PCNX2: variants seen among roughly 807,000 people sequenced by gnomAD.
The protein encoded by PCNX2 is pecanex 2.
Under a neutral mutation model 223.8 loss-of-function variants are expected in PCNX2, and 168 were observed. That is an observed-to-expected ratio of 0.75 (90% CI 0.66 to 0.85). The LOEUF is 0.85. PCNX2 is among the 40% of genes least tolerant of loss of function. The pLI is 0.00. For missense variants in PCNX2, 2,507 were observed against 2,675.5 expected, an observed-to-expected ratio of 0.94 and a Z score of 1.39; for synonymous variants, 1,006 against 1,052.6, an observed-to-expected ratio of 0.96 and a Z score of 0.86.
intron 21 of PCNX2, among the ~76,000 whole-genome samples, chr1:233,096,119 T>C (rs1031215414): frequency 1.3e-5 from 2 of 152,230 alleles, no homozygotes; most frequent in East Asian, 3.8e-4. Context: ...ATATATGGTG[T>C]ATCTCTTTGC....
At chr1:232,984,726 A>T (rs979010553) in intron 33 of PCNX2, 2 of 446,506 alleles carry the variant, frequency 4.5e-6, no homozygotes, top group Non-Finnish European at 8.0e-6. Context: ...ACTGCGCTGG[A>T]AAGAGCGGCC....
intron 1 of PCNX2, among the ~76,000 whole-genome samples, chr1:233,281,492 A>G (rs1378940536): frequency 6.6e-6 from 1 of 152,220 alleles, no homozygotes; most frequent in Non-Finnish European, 1.5e-5. Context: ...TCCCTCCTAT[A>G]CTTAATATCA....
chr1:233,102,087 C>CTT (rs201107797), intron 21 of PCNX2, among the ~76,000 whole-genome samples: 10 of 124,996 alleles, frequency 8.0e-5, no homozygotes, highest in South Asian at 2.5e-4. Flanking sequence ...ATTCATTTTT[C>CTT]TTTTTTTTTT....
At chr1:233,222,452 G>A (rs1293114825) in intron 10 of PCNX2, among the ~76,000 whole-genome samples, 2 of 152,200 alleles carry the variant, frequency 1.3e-5, no homozygotes, top group Admixed American at 1.3e-4. Context: ...AGCTACTTGG[G>A]AGGCTGGGGC....
At chr1:233,176,277 GC>G (rs1386458267) in intron 17 of PCNX2, among the ~76,000 whole-genome samples, 17 of 152,290 alleles carry the variant, frequency 1.1e-4, no homozygotes, top group Admixed American at 3.3e-4. Context: ...GCTGTCCAGA[GC>G]CCTTATCCTG....
rs986101070 is a variant in PCNX2, at chr1:232,998,292, G to C, written c.5750C>G (p.Ala1917Gly). The change falls in exon 32 of 34, where the codon GCT (alanine) becomes GGT (glycine). Residue 1917 changes from alanine (A) to glycine (G), a missense_variant. Physicochemically the swap from Ala to Gly is moderately conservative, Grantham distance 60. This residue lies in a region of PCNX2 where 1,372 missense variants were observed against 1,509.4 expected (regional missense o/e 0.91). Coordinates refer to ENST00000258229, the MANE Select transcript of PCNX2 (RefSeq NM_014801.4). Reference protein sequence around the residue: ...SSAEQPRKGGAQHGVSSCEGT... With the variant: ...SSAEQPRKGGGQHGVSSCEGT... ...TTCACAGGATGACACCCCGTGCTGA[G>C]CACCGCCTTTTCTGGGCTGTTCTGC... The C allele has an allele frequency of 2.5e-6, 4 of 1,606,328 alleles. No homozygotes were observed. Among genetic ancestry groups the C allele is most frequent in the Non-Finnish European group, 3.4e-6 (4 of 1,176,320 alleles).
intron 15 of PCNX2, among the ~76,000 whole-genome samples, chr1:233,186,838 G>A (rs1345598770): frequency 6.6e-6 from 1 of 152,110 alleles, no homozygotes; most frequent in Non-Finnish European, 1.5e-5. Flanking sequence ...AGAATAACGG[G>A]TCCCACGTAT....
chr1:233,200,969 T>C (rs900280071), intron 13 of PCNX2, among the ~76,000 whole-genome samples: 6 of 133,372 alleles, frequency 4.5e-5, no homozygotes, highest in Non-Finnish European at 7.6e-5. Context: ...GAGCTTGCAG[T>C]GAGCCGAGAT....
At chr1:233,025,725 G>C (rs764421892) in intron 25 of PCNX2, 2 of 344,774 alleles carry the variant, frequency 5.8e-6, no homozygotes, top group Non-Finnish European at 1.1e-5. Context: ...TTTTGAAAAA[G>C]GTAGTACATA....
chr1:233,084,532 T>A (rs750778895), intron 23 of PCNX2, among the ~76,000 whole-genome samples: 2 of 152,246 alleles, frequency 1.3e-5, no homozygotes, highest in Admixed American at 6.5e-5. Context: ...GCGCTGTAGG[T>A]CTAATGTATT....
chr1:233,311,280 A>G, the PCNX2 span, among the ~76,000 whole-genome samples: 1 of 152,276 alleles, frequency 6.6e-6, no homozygotes, highest in Non-Finnish European at 1.5e-5. Flanking sequence ...TTGCCTGAGC[A>G]GTTGTTGAAC....
At chr1:233,117,008 C>T (rs1009797939) in intron 21 of PCNX2, among the ~76,000 whole-genome samples, 4 of 152,150 alleles carry the variant, frequency 2.6e-5, no homozygotes, top group Non-Finnish European at 5.9e-5. Flanking sequence ...TGAACAACAA[C>T]ACATAGTACA....
intron 1 of PCNX2, among the ~76,000 whole-genome samples, chr1:233,285,348 C>T (rs1661396810): frequency 6.6e-6 from 1 of 151,796 alleles, no homozygotes; most frequent in African/African-American, 2.4e-5. Context: ...AACCCTATCT[C>T]TAAAAAGAAA....
chr1:233,323,814 T>G, the PCNX2 span, among the ~76,000 whole-genome samples: 2 of 152,194 alleles, frequency 1.3e-5, no homozygotes, highest in Admixed American at 1.3e-4. Flanking sequence ...GACCTCTAGG[T>G]GTTCAAGTGA....
At position 233,182,431 on chromosome 1, in the gene PCNX2, C is replaced by G. The variant is rs137901230; in HGVS notation, c.3067-3256G>C. Among the ~76,000 whole-genome samples, 5 of 152,222 alleles carry G rather than the reference C, an allele frequency of 3.3e-5. No homozygotes were observed. The East Asian group carries it at 9.7e-4, about 29-fold the overall frequency. ...CTAATGGGGACTCACCCTTCAGTAT[C>G]CACACCCTACCCCACCCCACAGATC... On this transcript the variant is annotated intron_variant, in intron 15 of 33. Coordinates refer to ENST00000258229, the MANE Select transcript of PCNX2 (RefSeq NM_014801.4).
chr1:233,058,399 G>A (rs1296495749), intron 23 of PCNX2: 1 of 152,204 alleles, frequency 6.6e-6, no homozygotes, highest in African/African-American at 2.4e-5. Context: ...CCAACAATGA[G>A]TGGCGGTCTT....
chr1:233,153,177 A>G (rs1398953024), intron 19 of PCNX2, among the ~76,000 whole-genome samples: 4 of 152,204 alleles, frequency 2.6e-5, no homozygotes, highest in African/African-American at 4.8e-5. Context: ...ACTACAAACT[A>G]TCTGAAGTAT....
At position 233,009,671 on chromosome 1, in the gene PCNX2, T is replaced by C. The variant is rs143872273; in HGVS notation, c.4952+4994A>G. Reference sequence around the variant, plus strand: ...GAAGAATTAATCACTCAGCAGCTTGTTGAAAATCACAGATTTCCAAATCCA... The same window carrying C: ...GAAGAATTAATCACTCAGCAGCTTGCTGAAAATCACAGATTTCCAAATCCA... On this transcript the variant is annotated intron_variant, in intron 28 of 33. Transcript: ENST00000258229. Among the ~76,000 whole-genome samples the C allele has an allele frequency of 2.3e-3, 355 of 152,254 alleles. 1 individual carries two copies. Among genetic ancestry groups the C allele is most frequent in the African/African-American group, 8.4e-3 (347 of 41,526 alleles).
intron 20 of PCNX2, among the ~76,000 whole-genome samples, chr1:233,136,952 C>T (rs76108214): frequency 0.013 from 1,995 of 152,252 alleles, 37 homozygotes; most frequent in African/African-American, 0.045. Flanking sequence ...GAACTGCATC[C>T]ATTTTATGTT....
Sources: allele counts gnomAD v4.1 joint callset (sites outside exome capture counted in the v4.1 genomes callset), GRCh38; gene constraint gnomAD v4.1.1; regional missense constraint gnomAD v4.1.1; transcripts MANE v1.5; gene names NCBI Gene and HGNC (gene_info 2026-07-23, HGNC 2026-07-21).